NEXMIF: variants seen among roughly 807,000 people sequenced by gnomAD.
NEXMIF encodes the protein XLMR protein related to neurite extension.
NEXMIF carries 8 observed loss-of-function variants against 62.1 expected under a neutral mutation model. The observed-to-expected ratio is 0.13, with a 90% CI of 0.08 to 0.23. NEXMIF has a LOEUF of 0.23. Ranked by LOEUF, NEXMIF falls within the 10% of genes least tolerant of loss-of-function variation. NEXMIF has a pLI of 1.00. For synonymous variants in NEXMIF, 404 were observed against 416.6 expected, an observed-to-expected ratio of 0.97 and a Z score of 0.37; for missense variants, 976 against 1,113.3, an observed-to-expected ratio of 0.88 and a Z score of 1.75.
intron 1 of NEXMIF, among the ~76,000 whole-genome samples, chrX:74,834,964 T>C (rs1227493074): frequency 8.9e-6 from 1 of 111,855 alleles, no homozygotes; most frequent in Non-Finnish European, 1.9e-5. Context: ...GGCTGTTTTC[T>C]AGATATTGTA....
At chrX:74,913,706 A>G (rs2080798181) in intron 1 of NEXMIF, among the ~76,000 whole-genome samples, 1 of 111,744 alleles carries the variant, frequency 8.9e-6, no homozygotes, top group Non-Finnish European at 1.9e-5. Flanking sequence ...AAATGAAAGC[A>G]GATTTCTCAT....
At chrX:74,864,061 A>G (rs2080568068) in intron 1 of NEXMIF, among the ~76,000 whole-genome samples, 1 of 112,179 alleles carries the variant, frequency 8.9e-6, no homozygotes, top group African/African-American at 3.2e-5. Flanking sequence ...AAAATTAAAC[A>G]TCCCTTCATG....
At chrX:74,752,825 C>T (rs1357061768) in intron 1 of NEXMIF, among the ~76,000 whole-genome samples, 1 of 111,924 alleles carries the variant, frequency 8.9e-6, no homozygotes, top group African/African-American at 3.2e-5. Context: ...TGCTTTCTTT[C>T]TCAAATCTGA....
In NEXMIF at chrX:74,901,353, G is replaced by A. The variant is rs933378853; in HGVS notation, c.-48+23530C>T. 4.5e-5 allele frequency among the ~76,000 whole-genome samples: 5 copies of A among 111,695 alleles called. No individual in the cohort carries two copies. In the East Asian group the frequency reaches 1.4e-3, roughly 31 times the overall value. ...TGTTTCCTGGAGGTAGAAAACAATT[G>A]CAGCTAAGATGTCAATGTGAGGTTT... is the stretch of plus-strand genomic sequence containing the variant. On this transcript the variant is annotated intron_variant, in intron 1 of 3. Coordinates refer to ENST00000055682, the MANE Select transcript of NEXMIF (RefSeq NM_001008537.3).
At chrX:74,886,038 T>A (rs369034919) in intron 1 of NEXMIF, among the ~76,000 whole-genome samples, 5 of 111,860 alleles carry the variant, frequency 4.5e-5, no homozygotes, top group East Asian at 2.8e-4. Flanking sequence ...ACAGAACCAA[T>A]GACAAAAACC....
intron 2 of NEXMIF, 27 bp from the exon 3 acceptor site, chrX:74,744,504 G>A (rs1218077583): frequency 9.0e-7 from 1 of 1,105,055 alleles, no homozygotes; most frequent in Non-Finnish European, 1.2e-6. Context: ...GAAATGACAG[G>A]AATAAAATTA....
In NEXMIF at chrX:74,740,189, G is replaced by T. The variant is rs781623230; in HGVS notation, c.4368C>A (p.Ala1456=). ...KLYRHKSSSK[A]LRDEKCKGKH... is the part of the protein sequence containing the mutation. Reference sequence around the variant, plus strand: ...TTCCCTTACATTTCTCATCTCTCAGGGCCTTGGAGCTGGATTTGTGACGAT... The same window carrying T: ...TTCCCTTACATTTCTCATCTCTCAGTGCCTTGGAGCTGGATTTGTGACGAT... The change falls in exon 3 of 4, where the codon GCC becomes GCA. Residue 1456 remains alanine, a synonymous_variant. Coordinates refer to ENST00000055682, the MANE Select transcript of NEXMIF (RefSeq NM_001008537.3). 22 of 1,208,645 alleles carry T rather than the reference G, an allele frequency of 1.8e-5. No homozygotes were observed. In the Admixed American group the frequency reaches 4.8e-4, roughly 27 times the overall value.
At chrX:74,890,842 C>T (rs778268613) in intron 1 of NEXMIF, among the ~76,000 whole-genome samples, 3 of 111,013 alleles carry the variant, frequency 2.7e-5, no homozygotes, top group East Asian at 2.9e-4. Flanking sequence ...GAGTGGCACA[C>T]GGGAGGAGAT....
chrX:74,853,388 C>G (rs768523993), intron 1 of NEXMIF, among the ~76,000 whole-genome samples: 4 of 107,767 alleles, frequency 3.7e-5, no homozygotes, highest in Non-Finnish European at 5.7e-5. Context: ...GCGGCCTCCA[C>G]CTGGTGGAGG....
intron 1 of NEXMIF, among the ~76,000 whole-genome samples, chrX:74,791,421 T>C (rs904308348): frequency 3.6e-5 from 4 of 111,510 alleles, no homozygotes; most frequent in Admixed American, 1.9e-4. Context: ...TCATCAAGGA[T>C]AGTGGTCTAA....
intron 1 of NEXMIF, among the ~76,000 whole-genome samples, chrX:74,793,511 G>C (rs1470423002): frequency 9.0e-6 from 1 of 111,046 alleles, no homozygotes; most frequent in Non-Finnish European, 1.9e-5. Context: ...TCCTGAATCT[G>C]AAGGTTGGAC....
intron 1 of NEXMIF, among the ~76,000 whole-genome samples, chrX:74,824,937 C>T (rs1360660958): frequency 9.0e-6 from 1 of 111,143 alleles, no homozygotes; most frequent in Non-Finnish European, 1.9e-5. Flanking sequence ...TATAAGCCCC[C>T]GAGCCCGGCC....
chrX:74,772,020 A>G (rs1320051501), intron 1 of NEXMIF, among the ~76,000 whole-genome samples: 1 of 111,954 alleles, frequency 8.9e-6, no homozygotes, highest in Admixed American at 9.5e-5. Context: ...CACAGAAACC[A>G]GTGCTCAAAG....
intron 1 of NEXMIF, among the ~76,000 whole-genome samples, chrX:74,889,649 C>T (rs889221327): frequency 1.9e-5 from 2 of 107,830 alleles, no homozygotes; most frequent in Non-Finnish European, 3.8e-5. Flanking sequence ...TAAAATTCTT[C>T]CTGAGGTGGC....
chrX:74,876,527 T>A (rs1372501530), intron 1 of NEXMIF, among the ~76,000 whole-genome samples: 2 of 107,986 alleles, frequency 1.9e-5, no homozygotes, highest in Admixed American at 2.0e-4. Flanking sequence ...CAGAGCTGAG[T>A]TCAATTCCTG....
At chrX:74,811,239 T>A (rs749520914) in intron 1 of NEXMIF, among the ~76,000 whole-genome samples, 3 of 111,705 alleles carry the variant, frequency 2.7e-5, no homozygotes, top group African/African-American at 9.7e-5. Flanking sequence ...GAAGTTTAGA[T>A]CCCCTCAGCC....
intron 1 of NEXMIF, among the ~76,000 whole-genome samples, chrX:74,911,316 A>G (rs2080788895): frequency 1.8e-5 from 2 of 111,275 alleles, no homozygotes; most frequent in African/African-American, 6.5e-5. Context: ...GCTACTCAGG[A>G]GGCTGAGGCA....
At chrX:74,745,109 G>T (rs1464874106) in intron 2 of NEXMIF, among the ~76,000 whole-genome samples, 1 of 109,874 alleles carries the variant, frequency 9.1e-6, no homozygotes, top group East Asian at 2.8e-4. Context: ...AGCCTCCCGA[G>T]TAGCTGGGAT....
intron 3 of NEXMIF, 28 bp from the exon 4 acceptor site, chrX:74,739,526 A>C (rs768214940): frequency 9.7e-7 from 1 of 1,031,398 alleles, no homozygotes; most frequent in Non-Finnish European, 1.3e-6. Context: ...AATTTATGCC[A>C]TCTGAGTTAG....
Sources: gnomAD v4.1 joint callset for allele counts (sites outside exome capture counted in the v4.1 genomes callset) on GRCh38, gnomAD v4.1.1 for gene constraint, MANE v1.5 for transcripts, NCBI Gene and HGNC (gene_info 2026-07-23, HGNC 2026-07-21) for gene names.